Variants in THSD7A observed in about 807,000 individuals in gnomAD.
THSD7A encodes the protein thrombospondin type-1 domain-containing protein 7A.
A neutral mutation model predicts 231.3 loss-of-function variants in THSD7A; 96 were observed. The observed-to-expected ratio is 0.41, with a 90% CI of 0.35 to 0.49. The LOEUF is 0.49. Among genes scored for constraint, THSD7A ranks in the 20% least tolerant of loss-of-function variants. The probability of loss-of-function intolerance (pLI) is 0.05; values close to 1 mark genes in which losing one functional copy is unlikely to be tolerated. For synonymous variants in THSD7A, 940 were observed against 743.3 expected (o/e 1.26, Z -4.30); for missense variants, 2,290 against 2,070.2 (o/e 1.11, Z -2.06).
intron 2 of THSD7A, among the ~76,000 whole-genome samples, chr7:11,628,751 T>C (rs1273510890): frequency 6.6e-6 from 1 of 152,206 alleles, no homozygotes; most frequent in Admixed American, 6.5e-5. Context: ...AATAAATGCA[T>C]AGTGAATTAA....
chr7:11,712,598 AGCTATTGACCATCTTAGGTAT>A lies in THSD7A; in HGVS notation c.191-75658_191-75638del, dbSNP rs113396608. On this transcript the variant is annotated intron_variant, in intron 1 of 27. Coordinates refer to ENST00000423059, the MANE Select transcript of THSD7A (RefSeq NM_015204.3). ...AATAAGTTTCATTTCTCATGAGGCC[AGCTATTGACCATCTTAGGTAT>A]GCTTGACCCAAATGAACTTGATGTA... is the stretch of plus-strand genomic sequence containing the variant. 8.4e-3 allele frequency among the ~76,000 whole-genome samples: 1,264 copies of A among 151,200 alleles called. 14 individuals are homozygous for A. The highest frequency in any genetic ancestry group is 0.029 in the African/African-American group (1,197 of 41,424).
chr7:11,455,415 A>G (rs974191042), intron 11 of THSD7A, among the ~76,000 whole-genome samples: 3 of 152,156 alleles, frequency 2.0e-5, no homozygotes, highest in Admixed American at 6.6e-5. Context: ...GAAAATACCC[A>G]TTTTATGTAG....
At chr7:11,573,488 A>G (rs964684002) in intron 4 of THSD7A, among the ~76,000 whole-genome samples, 2 of 152,226 alleles carry the variant, frequency 1.3e-5, no homozygotes, top group Non-Finnish European at 2.9e-5. Context: ...CCAGTAGCAG[A>G]TGGAGGCAAT....
At chr7:11,558,902 C>T (rs375582606) in intron 4 of THSD7A, among the ~76,000 whole-genome samples, 1 of 152,112 alleles carries the variant, frequency 6.6e-6, no homozygotes, top group Admixed American at 6.6e-5. Context: ...CCTAGAATAT[C>T]CAGGTGGACC....
intron 27 of THSD7A, among the ~76,000 whole-genome samples, chr7:11,376,357 C>T (rs1266886512): frequency 6.6e-5 from 10 of 152,160 alleles, no homozygotes; most frequent in Admixed American, 3.9e-4. Context: ...AGAACATACT[C>T]GAGAAGATGA....
chr7:11,717,473 T>C (rs2128151456), intron 1 of THSD7A, among the ~76,000 whole-genome samples: 1 of 151,784 alleles, frequency 6.6e-6, no homozygotes, highest in African/African-American at 2.4e-5. Flanking sequence ...TTTTCTGCTT[T>C]CCATGGGGAA....
chr7:11,500,808 T>C (rs1562661139), intron 6 of THSD7A, among the ~76,000 whole-genome samples: 1 of 151,776 alleles, frequency 6.6e-6, no homozygotes, highest in Non-Finnish European at 1.5e-5. Flanking sequence ...TGGTGGTGGG[T>C]GCCTGTAATC....
chr7:11,442,007 TA>T (rs1301239054), intron 13 of THSD7A, among the ~76,000 whole-genome samples: 2 of 152,026 alleles, frequency 1.3e-5, no homozygotes, highest in African/African-American at 2.4e-5. Flanking sequence ...AAAAAACTGC[TA>T]AAAAATTGTT....
intron 1 of THSD7A, chr7:11,751,217 G>C (rs1251434908): frequency 6.6e-6 from 1 of 152,096 alleles, no homozygotes; most frequent in African/African-American, 2.4e-5. Flanking sequence ...CTGGCCGTAA[G>C]CCGGATAGTT....
rs1785215537 is a variant in THSD7A at position 11,832,083 on chromosome 7, G to A, written c.-137C>T. The A allele has an allele frequency of 3.5e-6, 2 of 564,926 alleles. No homozygotes were observed. Among genetic ancestry groups the A allele is most frequent in the Non-Finnish European group, 5.1e-6 (2 of 391,636 alleles). The allele number at this position is 564,926 out of a possible 1,614,324, so 35.0% of individuals were successfully genotyped here. On this transcript the variant is annotated 5_prime_UTR_variant, in exon 1 of 28. Coordinates refer to ENST00000423059, the MANE Select transcript of THSD7A (RefSeq NM_015204.3). ...ATTGTTCGCTTCAGATGAGAAGGAG[G>A]GAGAGCGCGTCTAACACCAGGGAAC... is the stretch of plus-strand genomic sequence containing the variant.
chr7:11,665,060 G>C (rs1344336597), intron 1 of THSD7A, among the ~76,000 whole-genome samples: 1 of 152,046 alleles, frequency 6.6e-6, no homozygotes, highest in Non-Finnish European at 1.5e-5. Context: ...GGCTTTGTCT[G>C]TGATGTCAAG....
At chr7:11,417,141 T>C (rs1783988312) in intron 17 of THSD7A, among the ~76,000 whole-genome samples, 1 of 152,220 alleles carries the variant, frequency 6.6e-6, no homozygotes, top group South Asian at 2.1e-4. Context: ...GGAATCATTA[T>C]CACCACTGCA....
chr7:11,589,285 C>A (rs908748565), intron 4 of THSD7A, among the ~76,000 whole-genome samples: 6 of 152,108 alleles, frequency 3.9e-5, no homozygotes, highest in Admixed American at 2.0e-4. Flanking sequence ...CTACAACCTG[C>A]CAAATACAAC....
At chr7:11,396,052 T>G (rs1426896964) in intron 23 of THSD7A, among the ~76,000 whole-genome samples, 5 of 152,154 alleles carry the variant, frequency 3.3e-5, no homozygotes, top group Non-Finnish European at 7.4e-5. Context: ...ACTGGGTAAA[T>G]AACAAAACTA....
rs756467124 is a variant in THSD7A at position 11,371,015 on chromosome 7, A to G, written c.*4779T>C. On this transcript the variant is annotated 3_prime_UTR_variant, in exon 28 of 28. Coordinates refer to ENST00000423059, the MANE Select transcript of THSD7A (RefSeq NM_015204.3). ...ATCTACAAAACACAACAAGACTGAC[A>G]ATTATATTCTAAATAATATAGAGAT... The G allele has an allele frequency of 6.6e-5, 10 of 152,172 alleles. No individual in the cohort carries two copies. The highest frequency in any genetic ancestry group is 1.3e-4 in the Non-Finnish European group (9 of 68,030). 9.4% of individuals were successfully genotyped at this position (152,172 alleles called of 1,614,324 possible).
chr7:11,401,934 G>A lies in THSD7A; in HGVS notation c.4272C>T (p.Ser1424=), dbSNP rs1263701027. ...DCYLKDWSSW[S]LCQLTCVNGE... is the part of the protein sequence containing the mutation. ...CATTCACACAGGTCAGCTGACACAG[G>A]CTCCAGGAAGACCAGTCCTTCAAAT... Residue 1424 remains serine, a synonymous_variant, in exon 23 of 28, where the codon AGC becomes AGT. Coordinates refer to ENST00000423059, the MANE Select transcript of THSD7A (RefSeq NM_015204.3). The A allele has an allele frequency of 6.2e-7, 1 of 1,613,216 alleles. No homozygotes were observed. Among genetic ancestry groups the A allele is most frequent in the Admixed American group, 1.7e-5 (1 of 59,918 alleles).
intron 2 of THSD7A, among the ~76,000 whole-genome samples, chr7:11,602,572 G>T (rs1205273775): frequency 6.6e-6 from 1 of 151,920 alleles, no homozygotes; most frequent in African/African-American, 2.4e-5. Flanking sequence ...CAGATAAATA[G>T]CCTTTTTTTG....
At chr7:11,802,895 A>C (rs1237839691) in intron 1 of THSD7A, among the ~76,000 whole-genome samples, 1 of 152,170 alleles carries the variant, frequency 6.6e-6, no homozygotes, top group African/African-American at 2.4e-5. Flanking sequence ...GAAAATCTAG[A>C]CATAACATTT....
chr7:11,559,376 A>G lies in THSD7A; in HGVS notation c.1454-16259T>C, dbSNP rs114927602. Among the ~76,000 whole-genome samples the G allele has an allele frequency of 7.1e-3, 1,076 of 152,282 alleles. 14 individuals carry two copies. Among genetic ancestry groups the G allele is most frequent in the African/African-American group, 0.024 (1,011 of 41,578 alleles). ...TAAATAATTGCAAGATAGAAGACCT[A>G]AAATAGAAGACTATGTAAGTTGGTG... On this transcript the variant is annotated intron_variant, in intron 4 of 27. Coordinates refer to ENST00000423059, the MANE Select transcript of THSD7A (RefSeq NM_015204.3).
Sources: allele counts gnomAD v4.1 joint callset (sites outside exome capture counted in the v4.1 genomes callset), GRCh38; gene constraint gnomAD v4.1.1; transcripts MANE v1.5; gene names NCBI Gene and HGNC (gene_info 2026-07-23, HGNC 2026-07-21).